TSPAN5: variants seen among roughly 807,000 people sequenced by gnomAD.
TSPAN5 encodes the protein tetraspanin 5.
TSPAN5 carries 10 observed loss-of-function variants against 37.1 expected under a neutral mutation model. The ratio of observed to expected loss-of-function variants is 0.27; its 90% CI spans 0.17 to 0.46. TSPAN5 has a LOEUF of 0.46. Ranked by LOEUF, TSPAN5 falls within the 20% of genes least tolerant of loss-of-function variation. The pLI, the probability that TSPAN5 is intolerant of heterozygous loss-of-function variation, is 1.00. For missense variants in TSPAN5, 195 were observed against 326.6 expected (o/e 0.60, Z 3.11); for synonymous variants, 110 against 118.9 (o/e 0.93, Z 0.48).
intron 1 of TSPAN5, among the ~76,000 whole-genome samples, chr4:98,585,710 T>C (rs956133925): frequency 6.6e-6 from 1 of 152,200 alleles, no homozygotes; most frequent in Non-Finnish European, 1.5e-5. Flanking sequence ...TTATTTCACT[T>C]AGGATAATAG....
intron 1 of TSPAN5, among the ~76,000 whole-genome samples, chr4:98,571,138 G>A (rs934581448): frequency 2.0e-5 from 3 of 152,076 alleles, no homozygotes; most frequent in Non-Finnish European, 4.4e-5. Flanking sequence ...CAAATCAAAG[G>A]CTTATTATAA....
chr4:98,646,012 G>A (rs1342196614), intron 1 of TSPAN5, among the ~76,000 whole-genome samples: 3 of 151,984 alleles, frequency 2.0e-5, no homozygotes, highest in Non-Finnish European at 2.9e-5. Flanking sequence ...AGCACGCCCT[G>A]GCCTTCCTCT....
chr4:98,591,770 G>A (rs1755639019), intron 1 of TSPAN5, among the ~76,000 whole-genome samples: 2 of 147,936 alleles, frequency 1.4e-5, no homozygotes, highest in African/African-American at 5.0e-5. Flanking sequence ...TACATATTTT[G>A]ACATGCATTA....
chr4:98,577,894 G>A (rs1015938964), intron 1 of TSPAN5, among the ~76,000 whole-genome samples: 6 of 152,150 alleles, frequency 3.9e-5, no homozygotes, highest in African/African-American at 9.7e-5. Flanking sequence ...CACAGTGCCC[G>A]GCACATGGTA....
chr4:98,478,597 G>T (rs4303985), intron 5 of TSPAN5, 88 bp downstream of exon 5: 584,311 of 1,556,742 alleles, frequency 0.38, 115,488 homozygotes, highest in African/African-American at 0.73. Flanking sequence ...TAAGAAGAGG[G>T]TTCAACCAAA....
At chr4:98,608,701 G>A (rs556445999) in intron 1 of TSPAN5, among the ~76,000 whole-genome samples, 1 of 152,116 alleles carries the variant, frequency 6.6e-6, no homozygotes, top group Non-Finnish European at 1.5e-5. Flanking sequence ...CCACTGTTAG[G>A]GGGGAAATAG....
In TSPAN5 at chr4:98,603,282, C is replaced by G. The variant is rs186451330; in HGVS notation, c.81+54864G>C. On this transcript the variant is annotated intron_variant, in intron 1 of 7. Coordinates refer to ENST00000305798, the MANE Select transcript of TSPAN5 (RefSeq NM_005723.4). ...CAGGCACTTTGCTTTACAGCTTTGT[C>G]AATCCTAGGAACAAATACAGACATC... is the stretch of plus-strand genomic sequence containing the variant. 2.6e-3 allele frequency among the ~76,000 whole-genome samples: 392 copies of G among 152,274 alleles called. 4 individuals carry two copies. Among genetic ancestry groups the G allele is most frequent in the African/African-American group, 7.7e-3 (318 of 41,564 alleles).
At position 98,618,581 on chromosome 4, in the gene TSPAN5, T is replaced by C. The variant is rs976450401; in HGVS notation, c.81+39565A>G. Reference sequence around the variant, plus strand: ...ACACCTCTGTTATTACCTCCTCCTTTTTTTAAGCAAAGGAGGCATATGAAG... The same window carrying C: ...ACACCTCTGTTATTACCTCCTCCTTCTTTTAAGCAAAGGAGGCATATGAAG... On this transcript the variant is annotated intron_variant, in intron 1 of 7. Transcript: ENST00000305798. Among the ~76,000 whole-genome samples, 57 of 152,258 alleles carry C rather than the reference T, an allele frequency of 3.7e-4. 5 individuals are homozygous for C. Among genetic ancestry groups the C allele is most frequent in the Admixed American group, 2.7e-3 (42 of 15,288 alleles).
intron 1 of TSPAN5, among the ~76,000 whole-genome samples, chr4:98,612,885 G>A (rs1756232585): frequency 2.0e-5 from 3 of 152,186 alleles, no homozygotes; most frequent in African/African-American, 4.8e-5. Context: ...CTTCCTCAGA[G>A]CGGCCTTCCC....
intron 1 of TSPAN5, among the ~76,000 whole-genome samples, chr4:98,519,153 C>T (rs1753800634): frequency 1.3e-5 from 2 of 152,008 alleles, no homozygotes; most frequent in South Asian, 2.1e-4. Flanking sequence ...GGCAGAGACT[C>T]TATGGACTCA....
At chr4:98,518,577 A>G (rs1753786756) in intron 1 of TSPAN5, among the ~76,000 whole-genome samples, 1 of 152,196 alleles carries the variant, frequency 6.6e-6, no homozygotes, top group East Asian at 1.9e-4. Flanking sequence ...CGATAGAAAG[A>G]CTATCTCCTG....
chr4:98,599,505 G>A lies in TSPAN5; in HGVS notation c.81+58641C>T, dbSNP rs971143553. ...TTTGCATTACCATTAAGTGTGTTTT[G>A]ACAAATGCATCCAACCATGTAACCA... On this transcript the variant is annotated intron_variant, in intron 1 of 7. Transcript: ENST00000305798. Among the ~76,000 whole-genome samples the A allele has an allele frequency of 3.9e-5, 6 of 152,054 alleles. No homozygotes were observed. The South Asian group carries it at 6.2e-4, about 16-fold the overall frequency.
intron 1 of TSPAN5, among the ~76,000 whole-genome samples, chr4:98,564,764 G>A (rs1466211071): frequency 2.6e-5 from 4 of 151,330 alleles, no homozygotes; most frequent in Admixed American, 1.3e-4. Context: ...GCATGATCTC[G>A]GCTCACTGCA....
rs1204813183 is a variant in TSPAN5, at chr4:98,592,421, G to GTTTTTTTTTT, written c.81+65724_81+65725insAAAAAAAAAA. Among the ~76,000 whole-genome samples the GTTTTTTTTTT allele has an allele frequency of 9.5e-4, 90 of 95,220 alleles. 3 individuals are homozygous for GTTTTTTTTTT. Among genetic ancestry groups the GTTTTTTTTTT allele is most frequent in the African/African-American group, 3.8e-3 (86 of 22,732 alleles). The allele number at this position is 95,220 out of a possible 152,430, so 62.5% of individuals were successfully genotyped here. On this transcript the variant is annotated intron_variant, in intron 1 of 7. Transcript: ENST00000305798. ...TGGTTTACCTAACTAAGGGATCTCT[G>GTTTTTTTTTT]TTTTTTGTTTTTTTTTTTTTTTTTT...
At chr4:98,516,098 A>T (rs1753723312) in intron 1 of TSPAN5, among the ~76,000 whole-genome samples, 1 of 152,184 alleles carries the variant, frequency 6.6e-6, no homozygotes, top group African/African-American at 2.4e-5. Flanking sequence ...TGGGATACAA[A>T]TGATAACCAA....
chr4:98,612,831 A>C (rs916068197), intron 1 of TSPAN5, among the ~76,000 whole-genome samples: 4 of 151,826 alleles, frequency 2.6e-5, no homozygotes, highest in Non-Finnish European at 5.9e-5. Flanking sequence ...CCCTCCCCCC[A>C]CAGGGCTAAC....
Position 98,630,766 on chromosome 4 carries a change from C to T in TSPAN5, c.81+27380G>A, listed in dbSNP as rs554931703. ...GCTCTATTTAGACAGCTATTTATTA[C>T]TCTGAATTTGAAGCCCTCCTCCCCT... On this transcript the variant is annotated intron_variant, in intron 1 of 7. Transcript: ENST00000305798. 3.3e-5 allele frequency among the ~76,000 whole-genome samples: 5 copies of T among 152,304 alleles called. No individual in the cohort carries two copies. The East Asian group carries it at 9.6e-4, about 29-fold the overall frequency.
intron 1 of TSPAN5, among the ~76,000 whole-genome samples, chr4:98,515,460 C>A (rs899533946): frequency 6.6e-6 from 1 of 152,064 alleles, no homozygotes; most frequent in African/African-American, 2.4e-5. Context: ...TGCAGCTTCA[C>A]GTCCTGCCTC....
In TSPAN5 at chr4:98,656,736, A is replaced by G. The variant is rs543748918; in HGVS notation, c.81+1410T>C. The stretch of plus-strand genomic sequence containing the variant: ...AGACAGATGACATGCTGACACGGAA[A>G]GTGGTCTCCAATCCCTTGCATTTCC... On this transcript the variant is annotated intron_variant, in intron 1 of 7. Transcript: ENST00000305798. 3.3e-5 allele frequency among the ~76,000 whole-genome samples: 5 copies of G among 152,318 alleles called. No homozygotes were observed. In the South Asian group the frequency reaches 6.2e-4, roughly 19 times the overall value.
Sources: allele counts gnomAD v4.1 joint callset (sites outside exome capture counted in the v4.1 genomes callset), GRCh38; gene constraint gnomAD v4.1.1; transcripts MANE v1.5; gene names NCBI Gene and HGNC (gene_info 2026-07-23, HGNC 2026-07-21).